The following GBA1 variants were observed in gnomAD, a reference collection of about 807,000 sequenced individuals.
GBA1 encodes glucosylceramidase beta 1, also known as lysosomal acid glucosylceramidase.
chr1:155,241,229 G>A, the GBA1 span: 1 of 942,982 alleles, frequency 1.1e-6, no homozygotes. Context: ...TAGGCACTAG[G>A]TTAGCCCTGC....
the GBA1 span, among the ~76,000 whole-genome samples, chr1:155,240,899 C>T: frequency 6.6e-6 from 1 of 152,182 alleles, no homozygotes; most frequent in Non-Finnish European, 1.5e-5. Context: ...ACTCTCTGCC[C>T]ACCCCAAATC....
At chr1:155,241,522 G>C in the GBA1 span, among the ~76,000 whole-genome samples, 1 of 151,872 alleles carries the variant, frequency 6.6e-6, no homozygotes, top group Admixed American at 6.6e-5. Flanking sequence ...ATGTCAAAAA[G>C]GTACAAATAA....
the GBA1 span, chr1:155,236,200 A>G: frequency 7.4e-6 from 11 of 1,495,718 alleles, no homozygotes; most frequent in East Asian, 1.1e-4. Flanking sequence ...AACTAGTAAG[A>G]GGTCTGAGGT....
At chr1:155,235,265 G>A in the GBA1 span, 1 of 1,613,838 alleles carries the variant, frequency 6.2e-7, no homozygotes, top group Non-Finnish European at 8.5e-7. Context: ...TCGTTCTTCT[G>A]ACTGGCAACC....
the GBA1 span, among the ~76,000 whole-genome samples, chr1:155,243,236 C>T: frequency 6.6e-6 from 1 of 152,182 alleles, no homozygotes; most frequent in African/African-American, 2.4e-5. Context: ...TGTCAGTAGC[C>T]ACCCCTTCCA....
At chr1:155,240,029 C>G in the GBA1 span, 4 of 1,613,948 alleles carry the variant, frequency 2.5e-6, no homozygotes, top group South Asian at 4.4e-5. Context: ...ATTGCAGACA[C>G]ACACCACCGA....
chr1:155,235,950 C>G, the GBA1 span: 29 of 1,280,218 alleles, frequency 2.3e-5, no homozygotes, highest in Non-Finnish European at 3.4e-6. Context: ...TAGGTCAGCC[C>G]TGTGAGGGGC....
chr1:155,240,642 A>G, the GBA1 span: 8 of 1,613,542 alleles, frequency 5.0e-6, 1 homozygote, highest in Admixed American at 1.3e-4. Flanking sequence ...GATGCCCACG[A>G]CACTGCCTGA....
chr1:155,238,255 G>C, the GBA1 span: 1 of 1,611,194 alleles, frequency 6.2e-7, no homozygotes, highest in Non-Finnish European at 8.5e-7. Context: ...GGGCTGGCAA[G>C]GAGTGAAACG....
At chr1:155,236,136 G>A in the GBA1 span, 40 of 994,744 alleles carry the variant, frequency 4.0e-5, no homozygotes, top group Non-Finnish European at 5.8e-5. Flanking sequence ...TGCTCAAAAG[G>A]GCAGGCTAGC....
chr1:155,243,402 A>C, the GBA1 span, among the ~76,000 whole-genome samples: 1 of 152,222 alleles, frequency 6.6e-6, no homozygotes, highest in South Asian at 2.1e-4. Context: ...TTAGAAGTCC[A>C]AACATCTCCT....
At chr1:155,238,990 G>C in the GBA1 span, 1 of 362,172 alleles carries the variant, frequency 2.8e-6, no homozygotes, top group Non-Finnish European at 5.4e-6. Flanking sequence ...AGGCCGATGT[G>C]GGCAGATCAC....
At chr1:155,237,232 T>G in the GBA1 span, 1 of 1,574,508 alleles carries the variant, frequency 6.4e-7, no homozygotes, top group Non-Finnish European at 8.6e-7. Flanking sequence ...AGGGGAATGG[T>G]GCTCTAGGAA....
chr1:155,236,409 C>G, the GBA1 span: 25 of 1,614,142 alleles, frequency 1.5e-5, no homozygotes, highest in Non-Finnish European at 2.1e-5. Context: ...GCCAGAAAGT[C>G]CAGGTACCAA....
chr1:155,242,321 C>T, the GBA1 span, among the ~76,000 whole-genome samples: 1 of 151,780 alleles, frequency 6.6e-6, no homozygotes, highest in Non-Finnish European at 1.5e-5. Flanking sequence ...CTCCTGGGTT[C>T]GAGTGATTCT....
chr1:155,237,152 G>A, the GBA1 span, among the ~76,000 whole-genome samples: 16 of 152,122 alleles, frequency 1.1e-4, no homozygotes, highest in Non-Finnish European at 1.9e-4. Flanking sequence ...TTGCATGAGT[G>A]AGCCACCTCG....
chr1:155,237,597 T>C, the GBA1 span: 9 of 1,612,804 alleles, frequency 5.6e-6, no homozygotes, highest in African/African-American at 5.3e-5. Context: ...AGAAAGGTCA[T>C]GAATGATCCG....
chr1:155,240,319 C>T, the GBA1 span: 1 of 602,472 alleles, frequency 1.7e-6, no homozygotes, highest in East Asian at 2.8e-5. Context: ...CAAAAATTAG[C>T]TGGGCGTAGT....
At chr1:155,241,837 G>T in the GBA1 span, among the ~76,000 whole-genome samples, 2 of 152,202 alleles carry the variant, frequency 1.3e-5, no homozygotes, top group Non-Finnish European at 2.9e-5. Context: ...AGGACTGGAG[G>T]GAGGGAGTGG....
Sources: gnomAD v4.1 joint callset for allele counts (sites outside exome capture counted in the v4.1 genomes callset) on GRCh38, gnomAD v4.1.1 for gene constraint, MANE v1.5 for transcripts, NCBI Gene and HGNC (gene_info 2026-07-23, HGNC 2026-07-21) for gene names.